ASIC2: variants seen among roughly 807,000 people sequenced by gnomAD.
The protein encoded by ASIC2 is acid sensing ion channel subunit 2, also known as acid-sensing ion channel 2.
A neutral mutation model predicts 57.3 loss-of-function variants in ASIC2; 25 were observed. The observed-to-expected ratio is 0.44, with a 90% CI of 0.32 to 0.61. The LOEUF (loss-of-function observed/expected upper bound fraction) is 0.61, where lower values mean the gene tolerates loss of function less well. Ranked by LOEUF, ASIC2 falls within the 20% of genes least tolerant of loss-of-function variation. The pLI is 0.06. For missense variants in ASIC2, 641 were observed against 738.1 expected (o/e 0.87, Z 1.52); for synonymous variants, 319 against 307.5 (o/e 1.04, Z -0.39).
intron 1 of ASIC2, among the ~76,000 whole-genome samples, chr17:33,119,697 T>C (rs1300255141): frequency 6.6e-6 from 1 of 152,260 alleles, no homozygotes; most frequent in African/African-American, 2.4e-5. Flanking sequence ...TAAGAAGTGC[T>C]GCATGGCTGT....
chr17:33,869,437 C>T (rs1914331562), intron 1 of ASIC2, among the ~76,000 whole-genome samples: 1 of 152,116 alleles, frequency 6.6e-6, no homozygotes, highest in African/African-American at 2.4e-5. Flanking sequence ...AAACTTGTAC[C>T]TGAATGTTCA....
At chr17:33,288,550 G>C (rs1446029981) in intron 1 of ASIC2, among the ~76,000 whole-genome samples, 1 of 152,180 alleles carries the variant, frequency 6.6e-6, no homozygotes, top group African/African-American at 2.4e-5. Context: ...GGGAAACCAT[G>C]TGCTTTGAGC....
intron 1 of ASIC2, among the ~76,000 whole-genome samples, chr17:33,141,418 G>C (rs918852496): frequency 3.3e-5 from 5 of 152,234 alleles, no homozygotes. Flanking sequence ...ACTGGGGAGA[G>C]GAAGGAGGAG....
intron 1 of ASIC2, among the ~76,000 whole-genome samples, chr17:33,211,086 A>C (rs1907250595): frequency 6.8e-6 from 1 of 148,008 alleles, no homozygotes; most frequent in South Asian, 2.2e-4. Context: ...TAATGAGTCC[A>C]GGCTTGAAGA....
chr17:33,095,659 C>G (rs1185558760), intron 2 of ASIC2, among the ~76,000 whole-genome samples: 1 of 152,222 alleles, frequency 6.6e-6, no homozygotes, highest in African/African-American at 2.4e-5. Flanking sequence ...ACCCCTGCTG[C>G]AGCCCAGTGA....
intron 1 of ASIC2, among the ~76,000 whole-genome samples, chr17:33,234,482 C>T (rs1042269524): frequency 7.8e-4 from 119 of 152,286 alleles, no homozygotes; most frequent in African/African-American, 2.8e-3. Flanking sequence ...CTCTTCTCTG[C>T]CCACAGGCAC....
At chr17:34,019,288 C>T (rs1907074380) in intron 1 of ASIC2, among the ~76,000 whole-genome samples, 1 of 152,160 alleles carries the variant, frequency 6.6e-6, no homozygotes, top group Non-Finnish European at 1.5e-5. Flanking sequence ...ATTCCATAAA[C>T]TTAGTCAATA....
intron 1 of ASIC2, among the ~76,000 whole-genome samples, chr17:33,191,323 G>C (rs1042411998): frequency 6.6e-6 from 1 of 152,136 alleles, no homozygotes; most frequent in Non-Finnish European, 1.5e-5. Context: ...CCTTGGTGTG[G>C]AGATGGAAGG....
chr17:33,674,668 G>A (rs1907753791), intron 1 of ASIC2, among the ~76,000 whole-genome samples: 1 of 152,218 alleles, frequency 6.6e-6, no homozygotes, highest in Non-Finnish European at 1.5e-5. Context: ...CAACTTGTAA[G>A]TTATGGAATA....
At chr17:33,525,303 A>G (rs1914856097) in intron 1 of ASIC2, among the ~76,000 whole-genome samples, 1 of 152,170 alleles carries the variant, frequency 6.6e-6, no homozygotes, top group Non-Finnish European at 1.5e-5. Context: ...TGGAGGGCAG[A>G]GTGAAGCAGC....
intron 1 of ASIC2, among the ~76,000 whole-genome samples, chr17:33,700,935 G>A (rs1018995273): frequency 6.6e-6 from 1 of 152,150 alleles, no homozygotes; most frequent in Admixed American, 6.5e-5. Context: ...TCCTAAAGCT[G>A]AAGTACAGAG....
rs1300001069 is a variant in ASIC2, at chr17:34,079,284, C to G, written c.555+76694G>C. ...CTGGCCACTGCCCACTCCCTCCCCC[C>G]AGTATGAAGCCCATGCAATTTTCAT... On this transcript the variant is annotated intron_variant, in intron 1 of 9. Coordinates refer to the ASIC2 transcript ENST00000359872. 3.3e-5 allele frequency among the ~76,000 whole-genome samples: 5 copies of G among 152,206 alleles called. No homozygotes were observed. The South Asian group carries it at 8.3e-4, about 25-fold the overall frequency.
chr17:33,452,922 T>C (rs1912313179), intron 1 of ASIC2, among the ~76,000 whole-genome samples: 1 of 152,150 alleles, frequency 6.6e-6, no homozygotes, highest in Admixed American at 6.5e-5. Flanking sequence ...CGAATCAAAC[T>C]GCTCTACATG....
At chr17:33,545,340 T>C (rs1339328892) in intron 1 of ASIC2, among the ~76,000 whole-genome samples, 1 of 152,182 alleles carries the variant, frequency 6.6e-6, no homozygotes, top group Non-Finnish European at 1.5e-5. Context: ...ATGACTTCCT[T>C]GTGACTTGCT....
intron 1 of ASIC2, among the ~76,000 whole-genome samples, chr17:33,405,477 TTTTTTCTTTC>T (rs1910438097): frequency 3.6e-5 from 5 of 140,436 alleles, no homozygotes; most frequent in Non-Finnish European, 7.6e-5. Context: ...TTTCTTTTTC[TTTTTTCTTTC>T]TTTTTTTTTT....
Position 33,269,759 on chromosome 17 carries a change from C to CTTCCTTCCTTCCTTCCTTCT in ASIC2, c.708+21648_708+21649insAGAAGGAAGGAAGGAAGGAA, listed in dbSNP as rs1431457332. ...CCTTCCTTCCTTCCTTCTTTCCTTC[C>CTTCCTTCCTTCCTTCCTTCT]TTCCTTCCTTCCTTCTTTCCTTTTT... On this transcript the variant is annotated intron_variant, in intron 1 of 9. Coordinates refer to ENST00000225823, the MANE Select transcript of ASIC2 (RefSeq NM_183377.2). Among the ~76,000 whole-genome samples, 81 of 145,238 alleles carry CTTCCTTCCTTCCTTCCTTCT rather than the reference C, an allele frequency of 5.6e-4. 1 individual carries two copies. The highest frequency in any genetic ancestry group is 2.1e-3 in the African/African-American group (81 of 38,086).
intron 1 of ASIC2, among the ~76,000 whole-genome samples, chr17:33,826,294 G>A (rs185063527): frequency 4.0e-4 from 61 of 152,318 alleles, no homozygotes; most frequent in African/African-American, 1.4e-3. Flanking sequence ...ACTGCCCTGT[G>A]CATTTGTGTT....
chr17:33,200,883 C>T (rs111628752), intron 1 of ASIC2, among the ~76,000 whole-genome samples: 1,974 of 152,194 alleles, frequency 0.013, 25 homozygotes, highest in Middle Eastern at 0.027. Flanking sequence ...CAGTCTGGCT[C>T]GTGCTACCTG....
Position 33,938,922 on chromosome 17 carries a change from G to A in ASIC2, c.555+217056C>T, listed in dbSNP as rs572106763. On this transcript the variant is annotated intron_variant, in intron 1 of 9. Transcript: ENST00000359872. The stretch of plus-strand genomic sequence containing the variant: ...GAAAGTGCCTCTGTGCTCAGACTCT[G>A]GCCTCTGCTCTCTCCCCATTGACCG... Among the ~76,000 whole-genome samples the A allele has an allele frequency of 2.6e-5, 4 of 152,336 alleles. No individual in the cohort carries two copies. The East Asian group carries it at 7.7e-4, about 29-fold the overall frequency.
Sources: allele counts gnomAD v4.1 joint callset (sites outside exome capture counted in the v4.1 genomes callset), GRCh38; gene constraint gnomAD v4.1.1; transcripts MANE v1.5; gene names NCBI Gene and HGNC (gene_info 2026-07-23, HGNC 2026-07-21).